OSBPL10: variants seen among roughly 807,000 people sequenced by gnomAD.
OSBPL10 encodes oxysterol-binding protein-related protein 10.
OSBPL10 carries 49 observed loss-of-function variants against 81.7 expected under a neutral mutation model. The ratio of observed to expected loss-of-function variants is 0.60; its 90% CI spans 0.48 to 0.76. The LOEUF (loss-of-function observed/expected upper bound fraction) is 0.76. Among genes scored for constraint, OSBPL10 ranks in the 30% least tolerant of loss-of-function variants. The probability of loss-of-function intolerance (pLI) is 0.00; values close to 1 mark genes in which losing one functional copy is unlikely to be tolerated. For synonymous variants in OSBPL10, 419 were observed against 383.6 expected (o/e 1.09, Z -1.08); for missense variants, 923 against 987.8 (o/e 0.93, Z 0.88).
intron 6 of OSBPL10, among the ~76,000 whole-genome samples, chr3:31,725,322 T>C (rs1696774716): frequency 6.6e-6 from 1 of 152,220 alleles, no homozygotes; most frequent in Non-Finnish European, 1.5e-5. Context: ...TTCTGATTTT[T>C]AGTGAGTCCT....
intron 2 of OSBPL10, among the ~76,000 whole-genome samples, chr3:32,024,782 T>C (rs772122045): frequency 2.0e-5 from 3 of 152,184 alleles, no homozygotes; most frequent in Non-Finnish European, 2.9e-5. Context: ...CCGGAATTAT[T>C]TTCTTAATTT....
rs186296625 is a variant in OSBPL10 at position 31,988,859 on chromosome 3, C to T, written n.298+57632G>A. 2.0e-5 allele frequency: 12 copies of T among 604,438 alleles called. 1 individual carries two copies. The East Asian group carries it at 3.4e-4, about 17-fold the overall frequency. The allele number at this position is 604,438 out of a possible 1,614,324, so 37.4% of individuals were successfully genotyped here. A position where few individuals can be genotyped will look rare whatever the true frequency, so the allele number is the denominator to read the frequency against. On this transcript the variant is annotated intron_variant and non_coding_transcript_variant, in intron 2 of 3. Transcript: ENST00000479173. ...GCCTTGAGATGACTGCAGCCATGAC[C>T]CACAGCTTGACTACAACCCAGAGAG...
At chr3:31,876,106 C>T (rs1407401655) in intron 3 of OSBPL10, among the ~76,000 whole-genome samples, 1 of 152,100 alleles carries the variant, frequency 6.6e-6, no homozygotes, top group African/African-American at 2.4e-5. Context: ...AACTGTAAAT[C>T]TGACAACTCC....
chr3:31,759,269 T>G (rs940957853), intron 4 of OSBPL10, among the ~76,000 whole-genome samples: 1 of 152,070 alleles, frequency 6.6e-6, no homozygotes, highest in Non-Finnish European at 1.5e-5. Context: ...TTATCTATAC[T>G]CTCTGCCTCC....
chr3:31,720,524 T>C (rs1306989421), intron 6 of OSBPL10, among the ~76,000 whole-genome samples: 8 of 152,362 alleles, frequency 5.3e-5, no homozygotes. Flanking sequence ...AGCCAGAGGT[T>C]GAGCCTAGTT....
At chr3:31,796,993 A>ATTTTT (rs71097443) in intron 4 of OSBPL10, among the ~76,000 whole-genome samples, 27 of 123,588 alleles carry the variant, frequency 2.2e-4, no homozygotes, top group East Asian at 4.6e-4. Flanking sequence ...ATTTTTATTA[A>ATTTTT]TTTTTTTTTT....
intron 4 of OSBPL10, among the ~76,000 whole-genome samples, chr3:31,814,128 G>C (rs1699774786): frequency 6.6e-6 from 1 of 152,164 alleles, no homozygotes; most frequent in South Asian, 2.1e-4. Flanking sequence ...TCCTGTGCCT[G>C]ACAAGCTCCA....
chr3:31,742,254 C>T (rs188759875), intron 5 of OSBPL10, among the ~76,000 whole-genome samples: 114 of 152,174 alleles, frequency 7.5e-4, no homozygotes, highest in African/African-American at 2.5e-3. Flanking sequence ...CGTAAAGTAC[C>T]GCAAAAGGAA....
intron 5 of OSBPL10, among the ~76,000 whole-genome samples, chr3:31,739,351 T>C (rs987418882): frequency 2.6e-5 from 4 of 152,176 alleles, no homozygotes; most frequent in Admixed American, 1.3e-4. Context: ...AGTCTTATAG[T>C]ACTCAGCCTC....
intron 4 of OSBPL10, among the ~76,000 whole-genome samples, chr3:31,809,146 A>C (rs936762328): frequency 1.3e-5 from 2 of 152,212 alleles, no homozygotes; most frequent in Admixed American, 6.5e-5. Context: ...TAAAAAGAGG[A>C]GGCAAAATGA....
chr3:31,762,630 A>ATTTTTTTTTTTTTTTTTTTTTT lies in OSBPL10; in HGVS notation c.730-14511_730-14510insAAAAAAAAAAAAAAAAAAAAAA, dbSNP rs56311731. ...GCCTATGCACAACACCATGCCCAGC[A>ATTTTTTTTTTTTTTTTTTTTTT]TTTTTTTTTTTTTTTTTTTGTAGAG... On this transcript the variant is annotated intron_variant, in intron 4 of 11. Transcript: ENST00000396556. Among the ~76,000 whole-genome samples, 105 of 61,480 alleles carry ATTTTTTTTTTTTTTTTTTTTTT rather than the reference A, an allele frequency of 1.7e-3. 22 individuals carry two copies. Among genetic ancestry groups the ATTTTTTTTTTTTTTTTTTTTTT allele is most frequent in the Non-Finnish European group, 2.0e-3 (75 of 37,490 alleles). 40.3% of individuals were successfully genotyped at this position (61,480 alleles called of 152,430 possible).
chr3:31,716,679 G>A (rs1466811412), intron 6 of OSBPL10, among the ~76,000 whole-genome samples: 1 of 152,214 alleles, frequency 6.6e-6, no homozygotes, highest in Non-Finnish European at 1.5e-5. Context: ...ATGCTAGGGG[G>A]ATCCAAACAC....
At chr3:31,832,628 C>A (rs979494726) in intron 3 of OSBPL10, among the ~76,000 whole-genome samples, 1 of 152,080 alleles carries the variant, frequency 6.6e-6, no homozygotes, top group African/African-American at 2.4e-5. Flanking sequence ...CAGAGACAGA[C>A]GGAGGGAAAC....
In OSBPL10 at chr3:31,929,747, C is replaced by CA. The variant is rs11328456; in HGVS notation, c.282-49918dup. Reference sequence around the variant, plus strand: ...TGGGCGACAGGGCAAGACTCTGTCTCAAAAAAAAAAAAAAAGGAAATAAAA... The same window carrying CA: ...TGGGCGACAGGGCAAGACTCTGTCTCAAAAAAAAAAAAAAAAGGAAATAAAA... On this transcript the variant is annotated intron_variant, in intron 1 of 11. Coordinates refer to ENST00000396556, the MANE Select transcript of OSBPL10 (RefSeq NM_017784.5). Among the ~76,000 whole-genome samples the CA allele has an allele frequency of 3.5e-3, 414 of 119,066 alleles. 2 individuals are homozygous for CA. Among genetic ancestry groups the CA allele is most frequent in the South Asian group, 0.024 (86 of 3,588 alleles). The allele number at this position is 119,066 out of a possible 152,430, so 78.1% of individuals were successfully genotyped here.
At chr3:32,043,021 T>C (rs1699591314) in intron 2 of OSBPL10, among the ~76,000 whole-genome samples, 2 of 152,138 alleles carry the variant, frequency 1.3e-5, no homozygotes, top group African/African-American at 4.8e-5. Context: ...AGCAGAGAAC[T>C]GGTCTGACCT....
At chr3:32,005,649 G>C (rs34121652) in intron 2 of OSBPL10, among the ~76,000 whole-genome samples, 3,161 of 152,058 alleles carry the variant, frequency 0.021, 39 homozygotes, top group Middle Eastern at 0.051. Context: ...GTGCAGTGTC[G>C]CTGTCTCGGC....
chr3:31,957,113 C>A (rs375265008), intron 1 of OSBPL10, among the ~76,000 whole-genome samples: 1 of 151,872 alleles, frequency 6.6e-6, no homozygotes. Flanking sequence ...CCAGCCTGGG[C>A]GACAGAGTGA....
At chr3:32,022,149 T>A (rs1295736372) in intron 2 of OSBPL10, among the ~76,000 whole-genome samples, 11 of 152,182 alleles carry the variant, frequency 7.2e-5, no homozygotes, top group Admixed American at 7.2e-4. Flanking sequence ...GCTTATCTAT[T>A]TTTTCTGAAG....
At chr3:31,675,022 G>C (rs1048839439) in intron 8 of OSBPL10, among the ~76,000 whole-genome samples, 3 of 152,146 alleles carry the variant, frequency 2.0e-5, no homozygotes, top group East Asian at 3.9e-4. Context: ...TGGTCTTATT[G>C]GGACATAACC....
Sources: allele counts gnomAD v4.1 joint callset (sites outside exome capture counted in the v4.1 genomes callset), GRCh38; gene constraint gnomAD v4.1.1; transcripts MANE v1.5; gene names NCBI Gene and HGNC (gene_info 2026-07-23, HGNC 2026-07-21).